The following SEMA5A variants were observed in gnomAD, a reference collection of about 807,000 sequenced individuals.
The protein encoded by SEMA5A is semaphorin-5A.
Under a neutral mutation model 135.5 loss-of-function variants are expected in SEMA5A, and 55 were observed. That is an observed-to-expected ratio of 0.41 (90% confidence interval 0.33 to 0.51). The LOEUF (loss-of-function observed/expected upper bound fraction) is 0.51, where lower values mean the gene tolerates loss of function less well. Ranked by LOEUF, SEMA5A falls within the 20% of genes least tolerant of loss-of-function variation. The probability of loss-of-function intolerance (pLI) is 0.37; values close to 1 mark genes in which losing one functional copy is unlikely to be tolerated. For synonymous variants in SEMA5A, 580 were observed against 546.5 expected (o/e 1.06, Z -0.85); for missense variants, 1,290 against 1,419.9 (o/e 0.91, Z 1.47).
intron 3 of SEMA5A, among the ~76,000 whole-genome samples, chr5:9,340,129 G>C (rs2150725909): frequency 1.3e-5 from 2 of 152,300 alleles, no homozygotes; most frequent in East Asian, 3.9e-4. Context: ...ATGGTAGGTT[G>C]GCCCACAGCC....
chr5:9,154,724 C>T, intron 11 of SEMA5A, 29 bp from the exon 12 acceptor site: 1 of 1,598,852 alleles, frequency 6.3e-7, no homozygotes, highest in South Asian at 1.1e-5. Flanking sequence ...GAAAAGGAAA[C>T]AAGGTCAGAG....
intron 3 of SEMA5A, among the ~76,000 whole-genome samples, chr5:9,369,242 G>C (rs375516060): frequency 2.6e-5 from 4 of 151,820 alleles, no homozygotes; most frequent in African/African-American, 4.8e-5. Flanking sequence ...GTGTATCTCT[G>C]TGTGTGTGTG....
chr5:9,513,773 C>G (rs1227076369), intron 1 of SEMA5A, among the ~76,000 whole-genome samples: 1 of 152,078 alleles, frequency 6.6e-6, no homozygotes, highest in African/African-American at 2.4e-5. Context: ...ATTACTATAG[C>G]AATTATAGCT....
At chr5:9,500,911 T>G (rs1735565336) in intron 1 of SEMA5A, among the ~76,000 whole-genome samples, 1 of 152,206 alleles carries the variant, frequency 6.6e-6, no homozygotes, top group African/African-American at 2.4e-5. Flanking sequence ...GCGTTGACTG[T>G]ATGAGAATCT....
At chr5:9,218,516 A>T (rs565569810) in intron 8 of SEMA5A, among the ~76,000 whole-genome samples, 72 of 152,372 alleles carry the variant, frequency 4.7e-4, no homozygotes, top group African/African-American at 1.6e-3. Context: ...AAATTGTCTC[A>T]TACACAATTT....
At chr5:9,376,390 T>C (rs1009272621) in intron 3 of SEMA5A, among the ~76,000 whole-genome samples, 2 of 152,200 alleles carry the variant, frequency 1.3e-5, no homozygotes, top group Non-Finnish European at 2.9e-5. Context: ...TCTCCTTTCA[T>C]AAGTTTTGTA....
intron 5 of SEMA5A, among the ~76,000 whole-genome samples, chr5:9,263,562 G>T (rs994818652): frequency 6.6e-6 from 1 of 152,136 alleles, no homozygotes; most frequent in African/African-American, 2.4e-5. Context: ...CCACGAAACT[G>T]GTCTCTGGTG....
intron 12 of SEMA5A, among the ~76,000 whole-genome samples, chr5:9,150,942 T>A (rs1742601784): frequency 6.6e-6 from 1 of 152,140 alleles, no homozygotes. Context: ...GAATGGGTGG[T>A]CCTCGTTGTA....
intron 6 of SEMA5A, among the ~76,000 whole-genome samples, chr5:9,228,649 T>A (rs1376985830): frequency 6.6e-6 from 1 of 152,200 alleles, no homozygotes; most frequent in African/African-American, 2.4e-5. Flanking sequence ...AAGGAGGAAG[T>A]CACTTCCATA....
In SEMA5A at chr5:9,466,934, T is replaced by C. The variant is rs541283888; in HGVS notation, c.-174-29082A>G. 4.9e-4 allele frequency among the ~76,000 whole-genome samples: 74 copies of C among 152,318 alleles called. No homozygotes were observed. In the East Asian group the frequency reaches 9.8e-3, roughly 20 times the overall value. On this transcript the variant is annotated intron_variant, in intron 1 of 22. Transcript: ENST00000382496. Reference sequence around the variant, plus strand: ...GATGTGAGGGAAAAGGAGAATGAGCTTTGGCAGTAACAATGCAGAGAAGAG... The same window carrying C: ...GATGTGAGGGAAAAGGAGAATGAGCCTTGGCAGTAACAATGCAGAGAAGAG...
At chr5:9,065,383 A>T (rs1737409426) in intron 17 of SEMA5A, among the ~76,000 whole-genome samples, 1 of 152,174 alleles carries the variant, frequency 6.6e-6, no homozygotes, top group Non-Finnish European at 1.5e-5. Flanking sequence ...CACCAAGGAG[A>T]TCTACCAAAC....
chr5:9,278,591 T>C (rs1300863199), intron 5 of SEMA5A, among the ~76,000 whole-genome samples: 3 of 152,222 alleles, frequency 2.0e-5, no homozygotes, highest in Non-Finnish European at 4.4e-5. Flanking sequence ...GGAAGCCCTC[T>C]CATCACAGGC....
chr5:9,079,786 A>G (rs1224830836), intron 16 of SEMA5A, among the ~76,000 whole-genome samples: 1 of 151,694 alleles, frequency 6.6e-6, no homozygotes, highest in Non-Finnish European at 1.5e-5. Flanking sequence ...GGCAACAAAC[A>G]TATGAAAAAA....
intron 1 of SEMA5A, among the ~76,000 whole-genome samples, chr5:9,532,440 C>CTTTT (rs4045370): frequency 1.6e-5 from 2 of 125,146 alleles, no homozygotes; most frequent in Non-Finnish European, 1.6e-5. Context: ...TAATTTTTTT[C>CTTTT]TTTTTTTTTT....
At chr5:9,503,300 T>A (rs1735689339) in intron 1 of SEMA5A, among the ~76,000 whole-genome samples, 1 of 152,036 alleles carries the variant, frequency 6.6e-6, no homozygotes, top group Admixed American at 6.6e-5. Context: ...AACTGTGAGG[T>A]TCAGCAGGGA....
At chr5:9,406,139 C>G (rs1383986937) in intron 2 of SEMA5A, among the ~76,000 whole-genome samples, 1 of 152,210 alleles carries the variant, frequency 6.6e-6, no homozygotes, top group Non-Finnish European at 1.5e-5. Context: ...CAACAACAAA[C>G]TAGCTCTGTC....
At chr5:9,131,607 C>CAAAAAAA (rs1266278269) in intron 13 of SEMA5A, among the ~76,000 whole-genome samples, 1 of 61,162 alleles carries the variant, frequency 1.6e-5, no homozygotes, top group African/African-American at 8.5e-5. Context: ...GACTCCATCT[C>CAAAAAAA]AAAAAAAAAA....
intron 16 of SEMA5A, among the ~76,000 whole-genome samples, chr5:9,106,062 G>A (rs932683750): frequency 7.9e-5 from 12 of 152,116 alleles, no homozygotes; most frequent in Non-Finnish European, 1.2e-4. Flanking sequence ...GAGAAGACAC[G>A]TCAGAAGAAA....
chr5:9,077,838 C>T (rs916385295), intron 16 of SEMA5A, among the ~76,000 whole-genome samples: 2 of 152,236 alleles, frequency 1.3e-5, no homozygotes, highest in South Asian at 2.1e-4. Context: ...CAAACACATA[C>T]TCCTCTGCTT....
Sources: allele counts gnomAD v4.1 joint callset (sites outside exome capture counted in the v4.1 genomes callset), GRCh38; gene constraint gnomAD v4.1.1; transcripts MANE v1.5; gene names NCBI Gene and HGNC (gene_info 2026-07-23, HGNC 2026-07-21).